POFUT3: variants seen among roughly 807,000 people sequenced by gnomAD.
POFUT3 encodes protein O-fucosyltransferase 3.
the POFUT3 span, among the ~76,000 whole-genome samples, chr8:33,412,930 C>T: frequency 6.6e-6 from 1 of 152,032 alleles, no homozygotes; most frequent in Admixed American, 6.6e-5. Flanking sequence ...ACCTGGACTG[C>T]TTTGCCATCT....
At chr8:33,399,814 C>T in the POFUT3 span, among the ~76,000 whole-genome samples, 495 of 151,898 alleles carry the variant, frequency 3.3e-3, 5 homozygotes, top group African/African-American at 0.01. Context: ...CCACCACGCC[C>T]GGCTAATTTT....
chr8:33,309,172 A>ATG, the POFUT3 span, among the ~76,000 whole-genome samples: 1 of 49,508 alleles, frequency 2.0e-5, no homozygotes, highest in African/African-American at 7.1e-5. Context: ...AAAAAAATAT[A>ATG]TATATATATA....
At chr8:33,456,565 G>A in the POFUT3 span, among the ~76,000 whole-genome samples, 1 of 151,350 alleles carries the variant, frequency 6.6e-6, no homozygotes, top group Non-Finnish European at 1.5e-5. Context: ...TCATCACGTT[G>A]GCCCAAACAG....
the POFUT3 span, among the ~76,000 whole-genome samples, chr8:33,349,584 C>T: frequency 6.6e-6 from 1 of 152,136 alleles, no homozygotes; most frequent in East Asian, 1.9e-4. Flanking sequence ...GTCTCCAACT[C>T]CATACAAGCA....
chr8:33,366,012 T>C, the POFUT3 span, among the ~76,000 whole-genome samples: 1 of 152,138 alleles, frequency 6.6e-6, no homozygotes. Flanking sequence ...AACCCAAATG[T>C]CCATCAATGA....
the POFUT3 span, among the ~76,000 whole-genome samples, chr8:33,378,496 A>G: frequency 6.6e-6 from 1 of 152,180 alleles, no homozygotes; most frequent in African/African-American, 2.4e-5. Context: ...CAAGAGAAGA[A>G]GAGGCAAGGA....
At chr8:33,324,688 T>C in the POFUT3 span, among the ~76,000 whole-genome samples, 5,886 of 152,156 alleles carry the variant, frequency 0.039, 360 homozygotes, top group African/African-American at 0.13. Context: ...GCATAACAAA[T>C]GTTGGCTATT....
chr8:33,362,852 G>A, the POFUT3 span, among the ~76,000 whole-genome samples: 4 of 152,022 alleles, frequency 2.6e-5, no homozygotes, highest in African/African-American at 9.7e-5. Context: ...CTCAATATTA[G>A]ACAGATCAAT....
At chr8:33,371,136 TTTGGATGCAAAAACTAAGGCCG>T in the POFUT3 span, 1 of 152,310 alleles carries the variant, frequency 6.6e-6, no homozygotes, top group South Asian at 2.1e-4. Context: ...ATCACTTCTT[TTTGGATGCAAAAACTAAGGCCG>T]ATGGAGGTTA....
chr8:33,354,484 T>G, the POFUT3 span, among the ~76,000 whole-genome samples: 1 of 152,294 alleles, frequency 6.6e-6, no homozygotes, highest in South Asian at 2.1e-4. Context: ...AGAAGATGGA[T>G]GTTCCAGCTC....
At chr8:33,316,206 A>C in the POFUT3 span, among the ~76,000 whole-genome samples, 1 of 152,200 alleles carries the variant, frequency 6.6e-6, no homozygotes, top group South Asian at 2.1e-4. Flanking sequence ...TGGACTTAAA[A>C]AATTGACTTC....
chr8:33,388,391 T>C, the POFUT3 span, among the ~76,000 whole-genome samples: 2 of 148,518 alleles, frequency 1.3e-5, no homozygotes, highest in Non-Finnish European at 1.5e-5. Context: ...GGCTGTAGTA[T>C]TGTGGCATGA....
chr8:33,341,519 G>A, the POFUT3 span, among the ~76,000 whole-genome samples: 1 of 151,386 alleles, frequency 6.6e-6, no homozygotes, highest in Non-Finnish European at 1.5e-5. Flanking sequence ...CAGTAAAGAG[G>A]AAGGCTCTAA....
chr8:33,333,486 A>G, the POFUT3 span, among the ~76,000 whole-genome samples: 1 of 152,206 alleles, frequency 6.6e-6, no homozygotes. Context: ...ATGAAAATGC[A>G]AAGAGTGGGG....
the POFUT3 span, among the ~76,000 whole-genome samples, chr8:33,412,057 C>T: frequency 9.2e-5 from 14 of 152,124 alleles, no homozygotes; most frequent in Non-Finnish European, 1.8e-4. Context: ...GCAATGCAAA[C>T]CACTTGACAG....
chr8:33,414,156 T>C, the POFUT3 span, among the ~76,000 whole-genome samples: 1 of 152,164 alleles, frequency 6.6e-6, no homozygotes, highest in African/African-American at 2.4e-5. Flanking sequence ...CAGGAAAGAT[T>C]AACCACCAAG....
chr8:33,397,735 G>T, the POFUT3 span, among the ~76,000 whole-genome samples: 3 of 152,112 alleles, frequency 2.0e-5, no homozygotes, highest in African/African-American at 7.2e-5. Flanking sequence ...TGGTTAGTTG[G>T]TTAGTTACTA....
the POFUT3 span, among the ~76,000 whole-genome samples, chr8:33,352,144 G>A: frequency 6.6e-6 from 1 of 152,318 alleles, no homozygotes; most frequent in Admixed American, 6.5e-5. Flanking sequence ...TGCTGAGGGT[G>A]AAGCCACAGT....
chr8:33,429,247 G>A, the POFUT3 span, among the ~76,000 whole-genome samples: 2,119 of 152,196 alleles, frequency 0.014, 50 homozygotes, highest in African/African-American at 0.048. Flanking sequence ...AGTACTCTCG[G>A]ACCCAAGGTC....
Sources: gnomAD v4.1 joint callset for allele counts (sites outside exome capture counted in the v4.1 genomes callset) on GRCh38, gnomAD v4.1.1 for gene constraint, MANE v1.5 for transcripts, NCBI Gene and HGNC (gene_info 2026-07-23, HGNC 2026-07-21) for gene names.